BUD23: variants seen among roughly 807,000 people sequenced by gnomAD.
BUD23 encodes the protein BUD23 rRNA methyltransferase and ribosome maturation factor, also known as 18S rRNA (guanine-N(7))-methyltransferase.
In BUD23, 34 loss-of-function variants were observed where a neutral mutation model predicts 47.0. That is an observed-to-expected ratio of 0.72 (90% CI 0.55 to 0.96). The LOEUF (loss-of-function observed/expected upper bound fraction) is 0.96. Among genes scored for constraint, BUD23 ranks in the 40% least tolerant of loss-of-function variants. BUD23 has a pLI of 0.00. For missense variants in BUD23, 343 were observed against 361.2 expected (o/e 0.95, Z 0.41); for synonymous variants, 124 against 132.0 (o/e 0.94, Z 0.41).
chr7:73,691,850 T>C (rs7799947), intron 6 of BUD23, among the ~76,000 whole-genome samples: 148,975 of 152,212 alleles, frequency 0.98, 72,988 homozygotes, highest in East Asian at 1. Context: ...AGCAATTGTC[T>C]GGCATCAGGC....
chr7:73,697,353 T>C (rs1798446958), intron 10 of BUD23: 2 of 1,308,976 alleles, frequency 1.5e-6, no homozygotes, highest in South Asian at 2.7e-5. Flanking sequence ...CGCTGGTGTT[T>C]AGGTCTCCAT....
chr7:73,688,539 C>T (rs1308860387), intron 5 of BUD23, among the ~76,000 whole-genome samples: 2 of 152,236 alleles, frequency 1.3e-5, no homozygotes, highest in Non-Finnish European at 2.9e-5. Flanking sequence ...TATTTGCCAA[C>T]AGATAACTGG....
chr7:73,694,135 A>G lies in BUD23; in HGVS notation c.701+85A>G, dbSNP rs1554614547. 6 of 1,422,450 alleles carry G rather than the reference A, an allele frequency of 4.2e-6. No homozygotes were observed. The East Asian group carries it at 6.9e-5, about 16-fold the overall frequency. 88.1% of individuals were successfully genotyped at this position (1,422,450 alleles called of 1,614,324 possible). On this transcript the variant is annotated intron_variant, in intron 10 of 11. Coordinates refer to ENST00000265758, the MANE Select transcript of BUD23 (RefSeq NM_017528.5). ...TGGACTTTCTCTCTGCCCTCACCCA[A>G]GCCTCTCAGGTCACATGCAGCAGGG...
chr7:73,696,073 G>C (rs1166842144), intron 10 of BUD23: 3 of 151,744 alleles, frequency 2.0e-5, no homozygotes, highest in Non-Finnish European at 3.0e-5. Context: ...GTAGTGAAGA[G>C]GGAGGTTATA....
intron 2 of BUD23, among the ~76,000 whole-genome samples, chr7:73,684,637 G>T: frequency 6.7e-6 from 1 of 148,660 alleles, no homozygotes; most frequent in South Asian, 2.1e-4. Context: ...ATGGGGGCGG[G>T]GGGAAGCTGG....
intron 10 of BUD23, chr7:73,695,851 T>C (rs1798381947): frequency 6.6e-6 from 1 of 152,292 alleles, no homozygotes; most frequent in South Asian, 2.1e-4. Flanking sequence ...TTTTAGTGCC[T>C]TCATTGCAGT....
intron 5 of BUD23, among the ~76,000 whole-genome samples, chr7:73,688,209 A>G (rs782810658): frequency 1.3e-5 from 2 of 151,692 alleles, no homozygotes; most frequent in South Asian, 2.1e-4. Flanking sequence ...AAAGCTAGAC[A>G]TGGTGGTGGC....
At chr7:73,696,266 C>G (rs73702567) in intron 10 of BUD23, 1 of 152,194 alleles carries the variant, frequency 6.6e-6, no homozygotes, top group East Asian at 1.9e-4. Context: ...CCCTTAGTTT[C>G]CCTAGTCCAT....
intron 5 of BUD23, among the ~76,000 whole-genome samples, chr7:73,688,541 G>C (rs1409488134): frequency 6.6e-6 from 1 of 152,230 alleles, no homozygotes; most frequent in Non-Finnish European, 1.5e-5. Flanking sequence ...TTTGCCAACA[G>C]ATAACTGGTA....
Position 73,683,618 on chromosome 7 carries a change from G to T in BUD23, c.-8G>T, listed in dbSNP as rs2293486. On this transcript the variant is annotated 5_prime_UTR_variant, in exon 1 of 12. Transcript: ENST00000265758. ...CGCCAGTCGCAGGTGTGCTGCTGAG[G>T]CGTGAGAATGGCGTCCCGCGGCCGG... is the stretch of plus-strand genomic sequence containing the variant. The T allele has an allele frequency of 3.7e-6, 6 of 1,606,806 alleles. No individual in the cohort carries two copies. In the African/African-American group the frequency reaches 5.4e-5, roughly 14 times the overall value.
chr7:73,684,480 T>C (rs1377289713), intron 2 of BUD23, among the ~76,000 whole-genome samples: 2 of 151,804 alleles, frequency 1.3e-5, no homozygotes, highest in Middle Eastern at 3.2e-3. Flanking sequence ...TTGTAAATTT[T>C]TGTTGCGATG....
In BUD23 at chr7:73,697,709, G is replaced by A. The variant is rs782334680; in HGVS notation, c.791+15G>A. On this transcript the variant is annotated intron_variant, in intron 11 of 11. Transcript: ENST00000265758. The stretch of plus-strand genomic sequence containing the variant: ...CGCCAGGGCAGGTGAGTGCCAGCCT[G>A]GGAGCTGGCAGGGTGGGTGGGGGGT... 6.3e-7 allele frequency: 1 copy of A among 1,584,160 alleles called. No individual in the cohort carries two copies. Among genetic ancestry groups the A allele is most frequent in the Non-Finnish European group, 8.6e-7 (1 of 1,167,894 alleles).
intron 2 of BUD23, among the ~76,000 whole-genome samples, chr7:73,684,738 C>G (rs1255575110): frequency 2.7e-5 from 4 of 150,926 alleles, no homozygotes; most frequent in African/African-American, 9.7e-5. Context: ...GCCTGGCCAA[C>G]ATGGCGAAAC....
intron 7 of BUD23, 82 bp from the exon 8 acceptor site, chr7:73,693,247 G>T: frequency 7.8e-7 from 1 of 1,280,698 alleles, no homozygotes; most frequent in South Asian, 1.3e-5. Flanking sequence ...GGAGCAGACT[G>T]GCTTCTGAAG....
chr7:73,691,207 A>G (rs554611501), intron 6 of BUD23, among the ~76,000 whole-genome samples, 195 bp downstream of exon 6: 1 of 152,308 alleles, frequency 6.6e-6, no homozygotes, highest in South Asian at 2.1e-4. Context: ...GTGGACTGAT[A>G]TACTCTAATC....
intron 6 of BUD23, among the ~76,000 whole-genome samples, 170 bp downstream of exon 6, chr7:73,691,182 G>A (rs1054229492): frequency 1.3e-5 from 2 of 152,166 alleles, no homozygotes; most frequent in African/African-American, 4.8e-5. Context: ...CAGCCTAAAT[G>A]GAAGTTCAAG....
chr7:73,689,102 T>C (rs1798089695), intron 5 of BUD23, among the ~76,000 whole-genome samples: 1 of 152,166 alleles, frequency 6.6e-6, no homozygotes, highest in Non-Finnish European at 1.5e-5. Flanking sequence ...CAGACTGGAG[T>C]GCAGTGGCAC....
At chr7:73,697,052 C>A in intron 10 of BUD23, 1 of 247,068 alleles carries the variant, frequency 4.0e-6, no homozygotes, top group Non-Finnish European at 8.0e-6. Flanking sequence ...CAGGCTCAGG[C>A]ATCCGAATGG....
At chr7:73,693,205 G>A (rs927120892) in intron 7 of BUD23, 124 bp from the exon 8 acceptor site, 16 of 883,324 alleles carry the variant, frequency 1.8e-5, no homozygotes, top group Admixed American at 1.2e-4. Flanking sequence ...GGCTTACAGC[G>A]ACCTTAAGTT....
Sources: allele counts gnomAD v4.1 joint callset (sites outside exome capture counted in the v4.1 genomes callset), GRCh38; gene constraint gnomAD v4.1.1; transcripts MANE v1.5; gene names NCBI Gene and HGNC (gene_info 2026-07-23, HGNC 2026-07-21).